Variants in SEMA6D observed in about 807,000 individuals in gnomAD.
The protein encoded by SEMA6D is semaphorin-6D.
In SEMA6D, 35 loss-of-function variants were observed where a neutral mutation model predicts 106.6. The ratio of observed to expected loss-of-function variants is 0.33; its 90% confidence interval spans 0.25 to 0.44. The LOEUF is 0.44. Among genes scored for constraint, SEMA6D ranks in the 20% least tolerant of loss-of-function variants. The probability of loss-of-function intolerance (pLI) is 1.00; values close to 1 mark genes in which losing one functional copy is unlikely to be tolerated. For missense variants in SEMA6D, 1,185 were observed against 1,345.9 expected (o/e 0.88, Z 1.87); for synonymous variants, 499 against 487.7 (o/e 1.02, Z -0.31).
intron 1 of SEMA6D, among the ~76,000 whole-genome samples, chr15:47,402,792 AC>A: frequency 7.1e-6 from 1 of 140,720 alleles, no homozygotes; most frequent in East Asian, 2.1e-4. Flanking sequence ...TTTCCCTAGG[AC>A]TTACCATAGC....
chr15:47,426,033 C>T (rs1182266744), intron 2 of SEMA6D, among the ~76,000 whole-genome samples: 1 of 152,032 alleles, frequency 6.6e-6, no homozygotes, highest in Non-Finnish European at 1.5e-5. Context: ...TAGTTATGCT[C>T]TATATACTAA....
chr15:47,449,487 G>C lies in SEMA6D; in HGVS notation c.-158-20987G>C, dbSNP rs146800048. ...GGTTCTTTCTCCATTGTAGAGTTGTGGAAAGGCTTCCTCTCACAGACTGCC... is the reference window on the plus strand; with the variant it reads ...GGTTCTTTCTCCATTGTAGAGTTGTCGAAAGGCTTCCTCTCACAGACTGCC... On this transcript the variant is annotated intron_variant, in intron 2 of 19. Transcript: ENST00000558014. Among the ~76,000 whole-genome samples the C allele has an allele frequency of 2.5e-3, 383 of 152,134 alleles. 1 individual carries two copies. The highest frequency in any genetic ancestry group is 9.0e-3 in the African/African-American group (375 of 41,526).
intron 1 of SEMA6D, among the ~76,000 whole-genome samples, chr15:47,732,940 T>C (rs1422990802): frequency 6.6e-6 from 1 of 152,234 alleles, no homozygotes; most frequent in Admixed American, 6.5e-5. Context: ...GATTAACACT[T>C]TGAAACATCA....
intron 4 of SEMA6D, among the ~76,000 whole-genome samples, chr15:47,634,696 A>G (rs180977798): frequency 6.6e-6 from 1 of 152,090 alleles, no homozygotes; most frequent in Non-Finnish European, 1.5e-5. Flanking sequence ...GACCTTGCTG[A>G]CACTACCCTG....
At chr15:47,396,555 G>A (rs2145908762) in intron 1 of SEMA6D, 1 of 152,334 alleles carries the variant, frequency 6.6e-6, no homozygotes, top group East Asian at 1.9e-4. Flanking sequence ...TTCAAGGGCA[G>A]GAAGCATCCA....
intron 1 of SEMA6D, among the ~76,000 whole-genome samples, chr15:47,354,372 TATATATATATATATGGA>T (rs919980017): frequency 4.7e-5 from 6 of 127,614 alleles, no homozygotes; most frequent in South Asian, 2.9e-4. Flanking sequence ...TGTGAAAGCT[TATATATATATATATGGA>T]ATATATATAT....
intron 1 of SEMA6D, among the ~76,000 whole-genome samples, chr15:47,366,441 G>A (rs1429706718): frequency 6.6e-6 from 1 of 152,340 alleles, no homozygotes; most frequent in East Asian, 1.9e-4. Flanking sequence ...GTTCGGAGAT[G>A]AGGATATAGT....
At chr15:47,456,181 C>A (rs1236506398) in intron 2 of SEMA6D, among the ~76,000 whole-genome samples, 1 of 151,954 alleles carries the variant, frequency 6.6e-6, no homozygotes, top group Non-Finnish European at 1.5e-5. Context: ...ATTCTGTGAT[C>A]TATGACTTAC....
chr15:47,451,331 G>C (rs1433399080), intron 2 of SEMA6D, among the ~76,000 whole-genome samples: 1 of 152,014 alleles, frequency 6.6e-6, no homozygotes, highest in Non-Finnish European at 1.5e-5. Flanking sequence ...AAAGAGGCCT[G>C]TGACCCCCAG....
chr15:47,388,645 C>A (rs1333986306), intron 1 of SEMA6D, among the ~76,000 whole-genome samples: 1 of 152,070 alleles, frequency 6.6e-6, no homozygotes, highest in Non-Finnish European at 1.5e-5. Context: ...GAACATATCT[C>A]TTGTGAATAA....
chr15:47,706,395 A>G (rs1172561718), intron 4 of SEMA6D, among the ~76,000 whole-genome samples: 1 of 152,250 alleles, frequency 6.6e-6, no homozygotes, highest in Non-Finnish European at 1.5e-5. Flanking sequence ...GGAGGGTAAT[A>G]AAGTGATATT....
intron 3 of SEMA6D, among the ~76,000 whole-genome samples, chr15:47,596,753 ATC>A (rs1388573557): frequency 6.6e-5 from 10 of 152,054 alleles, no homozygotes; most frequent in Admixed American, 5.9e-4. Flanking sequence ...CTAGACCCAT[ATC>A]TCTCTCCACA....
intron 2 of SEMA6D, among the ~76,000 whole-genome samples, chr15:47,445,887 C>T (rs1158735256): frequency 2.0e-5 from 3 of 152,052 alleles, no homozygotes; most frequent in African/African-American, 2.4e-5. Flanking sequence ...CAGCTCACCT[C>T]GGACGCAGTT....
At chr15:47,588,002 C>G (rs996702677) in intron 3 of SEMA6D, among the ~76,000 whole-genome samples, 3 of 152,114 alleles carry the variant, frequency 2.0e-5, no homozygotes, top group African/African-American at 7.2e-5. Flanking sequence ...GCAGCTACTT[C>G]TACAGGAAAA....
At chr15:47,191,270 T>G (rs1447276811) in intron 1 of SEMA6D, among the ~76,000 whole-genome samples, 1 of 152,032 alleles carries the variant, frequency 6.6e-6, no homozygotes, top group Non-Finnish European at 1.5e-5. Context: ...TGAAAATATT[T>G]AGACAATCTA....
At chr15:47,710,275 C>G (rs1194733721) in intron 4 of SEMA6D, among the ~76,000 whole-genome samples, 1 of 152,144 alleles carries the variant, frequency 6.6e-6, no homozygotes, top group African/African-American at 2.4e-5. Context: ...TTTAATATGA[C>G]AGTTACTGAG....
intron 1 of SEMA6D, among the ~76,000 whole-genome samples, chr15:47,246,932 C>T (rs1010768742): frequency 1.1e-4 from 16 of 152,080 alleles, no homozygotes; most frequent in Non-Finnish European, 1.8e-4. Context: ...GGCCAAATGA[C>T]GAATAGCCAG....
At chr15:47,723,748 G>T (rs1284855963) in intron 1 of SEMA6D, among the ~76,000 whole-genome samples, 1 of 151,932 alleles carries the variant, frequency 6.6e-6, no homozygotes, top group Non-Finnish European at 1.5e-5. Flanking sequence ...GAAACAAAAA[G>T]GGAAATACAC....
chr15:47,483,401 A>C (rs1003147053), intron 3 of SEMA6D, among the ~76,000 whole-genome samples: 8 of 152,128 alleles, frequency 5.3e-5, no homozygotes, highest in African/African-American at 1.9e-4. Context: ...TGAGGACAGA[A>C]CATTTGGCTC....
Sources: gnomAD v4.1 joint callset for allele counts (sites outside exome capture counted in the v4.1 genomes callset) on GRCh38, gnomAD v4.1.1 for gene constraint, MANE v1.5 for transcripts, NCBI Gene and HGNC (gene_info 2026-07-23, HGNC 2026-07-21) for gene names.